Variants in SHISA6 observed in about 807,000 individuals in gnomAD.
The protein encoded by SHISA6 is protein shisa-6.
Under a neutral mutation model 47.9 loss-of-function variants are expected in SHISA6, and 22 were observed. That is an observed-to-expected ratio of 0.46 (90% CI 0.33 to 0.66). The LOEUF is 0.66. SHISA6 is among the 30% of genes least tolerant of loss of function. The pLI is 0.02. For synonymous variants in SHISA6, 388 were observed against 337.8 expected (o/e 1.15, Z -1.63); for missense variants, 680 against 764.6 (o/e 0.89, Z 1.30).
chr17:11,484,609 G>A (rs1028369171), intron 3 of SHISA6, among the ~76,000 whole-genome samples: 3 of 152,086 alleles, frequency 2.0e-5, no homozygotes, highest in African/African-American at 7.2e-5. Flanking sequence ...ATGTTGGCCA[G>A]GCTGGTCTTG....
At chr17:11,444,179 C>G (rs1459706109) in intron 3 of SHISA6, among the ~76,000 whole-genome samples, 1 of 152,052 alleles carries the variant, frequency 6.6e-6, no homozygotes, top group Non-Finnish European at 1.5e-5. Flanking sequence ...ATTAGCTAGG[C>G]GTGGTGGCAC....
intron 1 of SHISA6, among the ~76,000 whole-genome samples, chr17:11,256,750 A>T (rs1448811552): frequency 2.6e-5 from 4 of 152,202 alleles, no homozygotes; most frequent in African/African-American, 9.6e-5. Flanking sequence ...TTTGATATTG[A>T]CGCTACCACA....
At chr17:11,334,197 G>A (rs1284279856) in intron 2 of SHISA6, among the ~76,000 whole-genome samples, 1 of 152,136 alleles carries the variant, frequency 6.6e-6, no homozygotes, top group Non-Finnish European at 1.5e-5. Context: ...CAAGAAGGGA[G>A]CAGTCTCTTG....
chr17:11,494,515 A>G (rs2071391979), intron 3 of SHISA6, among the ~76,000 whole-genome samples: 1 of 152,216 alleles, frequency 6.6e-6, no homozygotes, highest in African/African-American at 2.4e-5. Context: ...TCAGAAAGGG[A>G]TTGTGAAAAC....
At chr17:11,474,236 C>T (rs1915999616) in intron 3 of SHISA6, among the ~76,000 whole-genome samples, 1 of 151,684 alleles carries the variant, frequency 6.6e-6, no homozygotes, top group Non-Finnish European at 1.5e-5. Flanking sequence ...TGTTTCCTGA[C>T]TTCTTAATAA....
intron 3 of SHISA6, among the ~76,000 whole-genome samples, chr17:11,381,012 A>G (rs563722520): frequency 6.6e-6 from 1 of 152,280 alleles, no homozygotes; most frequent in East Asian, 1.9e-4. Flanking sequence ...GCACGCCATT[A>G]CTTTTGCAAT....
chr17:11,488,038 G>A (rs543808819), intron 3 of SHISA6, among the ~76,000 whole-genome samples: 1 of 152,294 alleles, frequency 6.6e-6, no homozygotes, highest in Admixed American at 6.5e-5. Flanking sequence ...AGGAGCAGTG[G>A]GATGAAGAAC....
chr17:11,413,445 G>A (rs2142274882), intron 3 of SHISA6, among the ~76,000 whole-genome samples: 1 of 152,340 alleles, frequency 6.6e-6, no homozygotes, highest in Admixed American at 6.5e-5. Context: ...ACAGAGGGAG[G>A]ACAATACCAC....
At chr17:11,357,187 C>CAA (rs60564976) in intron 2 of SHISA6, among the ~76,000 whole-genome samples, 3,301 of 89,792 alleles carry the variant, frequency 0.037, 281 homozygotes, top group African/African-American at 0.1. Context: ...GACTCCGTCT[C>CAA]AAAAAAAAAA....
chr17:11,555,822 C>T lies in SHISA6; in HGVS notation c.1035C>T (p.Ala345=). 6.4e-7 allele frequency: 1 copy of T among 1,551,768 alleles called. No homozygotes were observed. Among genetic ancestry groups the T allele is most frequent in the Non-Finnish European group, 8.7e-7 (1 of 1,146,948 alleles). ...LSFSRSFQNL[A]HLPPSYESAV... ...TCTCCCGCTCGTTCCAGAACTTGGC[C>T]CACCTGCCCCCATCCTACGAGTCTG... The change falls in exon 5 of 6, where the codon GCC becomes GCT. Residue 345 remains alanine, a synonymous_variant. Transcript: ENST00000441885.
intron 3 of SHISA6, among the ~76,000 whole-genome samples, chr17:11,400,815 TA>T (rs960986045): frequency 1.3e-5 from 2 of 152,198 alleles, no homozygotes; most frequent in African/African-American, 4.8e-5. Context: ...TCTGCATCCA[TA>T]AGGACTGAAA....
At position 11,474,152 on chromosome 17, in the gene SHISA6, T is replaced by C. The variant is rs1046538783; in HGVS notation, c.896-77744T>C. ...TATATGGCCACACTGTCTTCCACAA[T>C]GGTTGAATTAATTTACACTCCCACC... On this transcript the variant is annotated intron_variant, in intron 3 of 5. Transcript: ENST00000441885. Among the ~76,000 whole-genome samples, 13 of 152,108 alleles carry C rather than the reference T, an allele frequency of 8.5e-5. 1 individual carries two copies. In the South Asian group the frequency reaches 2.5e-3, roughly 29 times the overall value.
intron 3 of SHISA6, among the ~76,000 whole-genome samples, chr17:11,405,750 G>A (rs1341431574): frequency 1.3e-5 from 2 of 151,672 alleles, no homozygotes. Context: ...GCAGTGAGTC[G>A]AGACCACGTT....
chr17:11,516,784 C>T (rs75464202), intron 3 of SHISA6, among the ~76,000 whole-genome samples: 1,576 of 152,280 alleles, frequency 0.01, 25 homozygotes, highest in African/African-American at 0.037. Flanking sequence ...AGGACTGTTC[C>T]TGGCCATGGA....
At chr17:11,298,706 C>T (rs1461913819) in intron 2 of SHISA6, among the ~76,000 whole-genome samples, 4 of 152,136 alleles carry the variant, frequency 2.6e-5, no homozygotes, top group Non-Finnish European at 4.4e-5. Flanking sequence ...TAAGACCCAA[C>T]ATAGGAGTCT....
intron 2 of SHISA6, among the ~76,000 whole-genome samples, chr17:11,273,869 C>A (rs1470499480): frequency 1.3e-5 from 2 of 151,840 alleles, no homozygotes; most frequent in South Asian, 4.2e-4. Context: ...AACTTATGGC[C>A]AAATCACCAT....
chr17:11,385,998 ATC>A (rs1468678031), intron 3 of SHISA6, among the ~76,000 whole-genome samples: 1 of 152,132 alleles, frequency 6.6e-6, no homozygotes, highest in Non-Finnish European at 1.5e-5. Context: ...AGGGGGGAAC[ATC>A]TACTCAGTGG....
At chr17:11,548,006 A>G (rs991955749) in intron 3 of SHISA6, among the ~76,000 whole-genome samples, 2 of 152,216 alleles carry the variant, frequency 1.3e-5, no homozygotes, top group Non-Finnish European at 2.9e-5. Flanking sequence ...CAAGTATGGG[A>G]AGGCAATATA....
chr17:11,470,433 C>T (rs1513742), intron 3 of SHISA6, among the ~76,000 whole-genome samples: 26,914 of 152,166 alleles, frequency 0.18, 2,580 homozygotes, highest in East Asian at 0.29. Context: ...ATGCAGAAAG[C>T]TGCTGATGCT....
Sources: gnomAD v4.1 joint callset for allele counts (sites outside exome capture counted in the v4.1 genomes callset) on GRCh38, gnomAD v4.1.1 for gene constraint, MANE v1.5 for transcripts, NCBI Gene and HGNC (gene_info 2026-07-23, HGNC 2026-07-21) for gene names.